TRAK1: variants seen among roughly 807,000 people sequenced by gnomAD.
TRAK1 encodes trafficking kinesin-binding protein 1.
Under a neutral mutation model 92.1 loss-of-function variants are expected in TRAK1, and 33 were observed. That is an observed-to-expected ratio of 0.36 (90% CI 0.27 to 0.48). The LOEUF (loss-of-function observed/expected upper bound fraction) is 0.48, where lower values mean the gene tolerates loss of function less well. TRAK1 is among the 20% of genes least tolerant of loss of function. The pLI, the probability that TRAK1 is intolerant of heterozygous loss-of-function variation, is 0.99. For synonymous variants in TRAK1, 521 were observed against 517.3 expected (o/e 1.01, Z -0.10); for missense variants, 1,123 against 1,257.9 (o/e 0.89, Z 1.62).
At chr3:42,113,350 T>G (rs9875626) in intron 1 of TRAK1, among the ~76,000 whole-genome samples, 62,804 of 147,394 alleles carry the variant, frequency 0.43, 14,566 homozygotes, top group South Asian at 0.57. Flanking sequence ...CTACTCCTAC[T>G]CCTACGCCTA....
intron 1 of TRAK1, among the ~76,000 whole-genome samples, chr3:42,105,588 A>G (rs1707420927): frequency 6.6e-6 from 1 of 152,230 alleles, no homozygotes; most frequent in African/African-American, 2.4e-5. Context: ...AAGTTGGGAA[A>G]CACTCTTCAG....
intron 2 of TRAK1, among the ~76,000 whole-genome samples, chr3:42,157,892 T>C (rs187625550): frequency 1.3e-5 from 2 of 152,306 alleles, no homozygotes; most frequent in African/African-American, 2.4e-5. Context: ...AATGTTACCA[T>C]TTGGGGAATC....
At chr3:42,201,218 G>C (rs1360926075) in intron 12 of TRAK1, among the ~76,000 whole-genome samples, 164 bp downstream of exon 12, 1 of 152,118 alleles carries the variant, frequency 6.6e-6, no homozygotes, top group Admixed American at 6.5e-5. Context: ...TAGCACTTTC[G>C]GAGACCGAGG....
At chr3:42,180,592 T>C (rs991722085) in intron 3 of TRAK1, among the ~76,000 whole-genome samples, 1 of 151,192 alleles carries the variant, frequency 6.6e-6, no homozygotes, top group Non-Finnish European at 1.5e-5. Context: ...AGTGGGAGGG[T>C]TGCTTGAGCC....
chr3:42,151,940 C>G (rs147917268), intron 2 of TRAK1, among the ~76,000 whole-genome samples: 20 of 152,278 alleles, frequency 1.3e-4, no homozygotes, highest in African/African-American at 4.6e-4. Flanking sequence ...AAAAAAGATG[C>G]AGAATCATCA....
chr3:42,144,993 T>G (rs1699151021), intron 2 of TRAK1, among the ~76,000 whole-genome samples: 2 of 152,200 alleles, frequency 1.3e-5, no homozygotes, highest in South Asian at 4.1e-4. Flanking sequence ...ATTCATTGCA[T>G]TGTTCTTTTA....
At chr3:42,184,588 A>T in intron 3 of TRAK1, 97 bp from the exon 4 acceptor site, 1 of 1,153,966 alleles carries the variant, frequency 8.7e-7, no homozygotes, top group Non-Finnish European at 1.3e-6. Context: ...TGTTATTTCT[A>T]GATGCTTATG....
At chr3:42,161,789 G>A (rs1701304899) in intron 2 of TRAK1, among the ~76,000 whole-genome samples, 2 of 152,210 alleles carry the variant, frequency 1.3e-5, no homozygotes, top group Admixed American at 1.3e-4. Context: ...CCTGCATTCT[G>A]GCTGGTGCCT....
chr3:42,131,645 G>T (rs1176884840), intron 2 of TRAK1, among the ~76,000 whole-genome samples: 1 of 152,024 alleles, frequency 6.6e-6, no homozygotes, highest in Non-Finnish European at 1.5e-5. Context: ...TTGAACCCGG[G>T]AGGCAGAGGT....
chr3:42,189,019 G>A lies in TRAK1; in HGVS notation c.585G>A (p.Leu195=). Residue 195 remains leucine, a synonymous_variant, in exon 6 of 16, where the codon TTG becomes TTA. Transcript: ENST00000327628. ...SEPESVCSTP[L]KRNESSSSVQ... is the part of the protein sequence containing the mutation. ...GTGAGCGTACTTTCTCCCCCAGGTT[G>A]AAGAGGAATGAGTCGTCCTCCTCAG... 3 of 1,612,132 alleles carry A rather than the reference G, an allele frequency of 1.9e-6. No homozygotes were observed. The South Asian group carries it at 3.3e-5, about 18-fold the overall frequency.
intron 1 of TRAK1, among the ~76,000 whole-genome samples, chr3:42,035,019 G>C (rs17067082): frequency 1.3e-5 from 2 of 152,032 alleles, no homozygotes; most frequent in African/African-American, 4.8e-5. Flanking sequence ...CTTCATTGCC[G>C]GTCTCACCAA....
chr3:42,118,546 G>A (rs1185424723), intron 1 of TRAK1, among the ~76,000 whole-genome samples: 2 of 152,198 alleles, frequency 1.3e-5, no homozygotes, highest in Non-Finnish European at 2.9e-5. Flanking sequence ...ATCCCTAGAC[G>A]GAGGAGTCTC....
intron 1 of TRAK1, among the ~76,000 whole-genome samples, chr3:42,019,474 G>T (rs954827622): frequency 6.6e-6 from 1 of 152,066 alleles, no homozygotes; most frequent in African/African-American, 2.4e-5. Flanking sequence ...GTGAGGTCTT[G>T]CTATGTTGCC....
Position 42,223,905 on chromosome 3 carries a change from T to C in TRAK1, c.*168T>C, listed in dbSNP as rs1282889088. On this transcript the variant is annotated 3_prime_UTR_variant, in exon 16 of 16. Transcript: ENST00000327628. This position sits in a 1 kb window ranked among gnomAD's most constrained non-coding sequence, Gnocchi z 6.1. ...GCCTAATGGAGGAAGTGTGGAAACT[T>C]TGTAAAATGTGTACATAGGACTTGG... The C allele has an allele frequency of 1.3e-6, 1 of 785,736 alleles. No individual in the cohort carries two copies. Among genetic ancestry groups the C allele is most frequent in the Non-Finnish European group, 2.0e-6 (1 of 491,336 alleles). 48.7% of individuals were successfully genotyped at this position (785,736 alleles called of 1,614,324 possible).
Position 42,129,061 on chromosome 3 carries a change from C to T in TRAK1, c.286+3447C>T, listed in dbSNP as rs367938922. Among the ~76,000 whole-genome samples the T allele has an allele frequency of 1.2e-4, 19 of 152,288 alleles. No homozygotes were observed. In the East Asian group the frequency reaches 1.9e-3, roughly 15 times the overall value. ...TTCCTTTTCAGTCCTTTGTATTTTA[C>T]GTCTTCAAAGCTTTCTCCTGAGGAA... On this transcript the variant is annotated intron_variant, in intron 2 of 15. Transcript: ENST00000327628.
intron 13 of TRAK1, chr3:42,203,246 G>A (rs1335408845): frequency 9.6e-7 from 1 of 1,040,994 alleles, no homozygotes. Flanking sequence ...GTGGGCTTAT[G>A]TGTTCTGATT....
At chr3:42,065,936 T>G (rs1703658287) in intron 1 of TRAK1, among the ~76,000 whole-genome samples, 1 of 152,204 alleles carries the variant, frequency 6.6e-6, no homozygotes, top group Admixed American at 6.5e-5. Flanking sequence ...GGCTATCTCT[T>G]GAATCCTAAC....
At chr3:42,126,298 A>G (rs1710550355) in intron 2 of TRAK1, among the ~76,000 whole-genome samples, 1 of 152,228 alleles carries the variant, frequency 6.6e-6, no homozygotes. Context: ...CATTTATGTG[A>G]CATAGCAAAA....
chr3:42,017,238 G>A (rs961305799), intron 1 of TRAK1, among the ~76,000 whole-genome samples: 9 of 152,178 alleles, frequency 5.9e-5, no homozygotes, highest in African/African-American at 1.9e-4. Flanking sequence ...TCCTGCCTGG[G>A]CGACAGAGTG....
Sources: gnomAD v4.1 joint callset for allele counts (sites outside exome capture counted in the v4.1 genomes callset) on GRCh38, gnomAD v4.1.1 for gene constraint, Gnocchi (gnomAD v3.1) non-coding constraint, MANE v1.5 for transcripts, NCBI Gene and HGNC (gene_info 2026-07-23, HGNC 2026-07-21) for gene names.